CCDC183: variants seen among roughly 807,000 people sequenced by gnomAD.
CCDC183 encodes the protein coiled-coil domain-containing protein 183.
CCDC183 carries 63 observed loss-of-function variants against 65.2 expected under a neutral mutation model. The observed-to-expected ratio is 0.97, with a 90% CI of 0.79 to 1.19. The LOEUF (loss-of-function observed/expected upper bound fraction) is 1.19. CCDC183 is among the 50% of genes most tolerant of loss of function. The probability of loss-of-function intolerance (pLI) is 0.00; values close to 1 mark genes in which losing one functional copy is unlikely to be tolerated. For synonymous variants in CCDC183, 323 were observed against 276.5 expected (o/e 1.17, Z -1.67); for missense variants, 769 against 689.3 (o/e 1.12, Z -1.30).
chr9:136,804,734 T>G lies in CCDC183; in HGVS notation c.793-28T>G. 1 of 1,613,394 alleles carries G rather than the reference T, an allele frequency of 6.2e-7. No individual in the cohort carries two copies. Among genetic ancestry groups the G allele is most frequent in the Non-Finnish European group, 8.5e-7 (1 of 1,179,668 alleles). ...CCCACTCCCTGCCAAGGATGTCTCA[T>G]CCCTTCCCCGCCCCCACCTCCCATC... is the stretch of plus-strand genomic sequence containing the variant. On this transcript the variant is annotated intron_variant, in intron 7 of 13. Transcript: ENST00000338005. This position sits in a 1 kb window ranked among gnomAD's most constrained non-coding sequence, Gnocchi z 4.1.
intron 2 of CCDC183, 45 bp from the exon 3 acceptor site, chr9:136,799,668 G>T (rs1279481013): frequency 5.8e-6 from 9 of 1,558,860 alleles, no homozygotes; most frequent in Non-Finnish European, 7.9e-6. Flanking sequence ...AGCGGCTGCG[G>T]GTGCGCAAAG....
chr9:136,799,600 C>G (rs1847704393), intron 2 of CCDC183, 113 bp from the exon 3 acceptor site: 16 of 916,362 alleles, frequency 1.7e-5, no homozygotes, highest in South Asian at 7.7e-5. Flanking sequence ...AAGCAGGGAT[C>G]TCGCTACTGG....
At chr9:136,796,821 CA>C (rs1214921667) in intron 1 of CCDC183, among the ~76,000 whole-genome samples, 1 of 152,224 alleles carries the variant, frequency 6.6e-6, no homozygotes, top group African/African-American at 2.4e-5. Flanking sequence ...CAGTGCACTG[CA>C]GAAAGCCGCA....
At position 136,806,214 on chromosome 9, in the gene CCDC183, TCCG is replaced by T; in HGVS notation, c.1088_1090del (p.Arg363del). On this transcript the variant is annotated inframe_deletion, in exon 10 of 14. Coordinates refer to ENST00000338005, the MANE Select transcript of CCDC183 (RefSeq NM_001039374.5). Reference sequence around the variant, plus strand: ...GAGCTGGAGGAGGCCGTGCTCAAGTTCCGCCAGAAGCCTAGCTCCATCAGGTGC... The same window carrying T: ...GAGCTGGAGGAGGCCGTGCTCAAGTTCCAGAAGCCTAGCTCCATCAGGTGC... 1 of 1,588,146 alleles carries T rather than the reference TCCG, an allele frequency of 6.3e-7. No homozygotes were observed. The highest frequency in any genetic ancestry group is 8.6e-7 in the Non-Finnish European group (1 of 1,167,354).
At chr9:136,799,870 C>T (rs1847709093) in intron 3 of CCDC183, 80 bp downstream of exon 3, 3 of 1,508,370 alleles carry the variant, frequency 2.0e-6, no homozygotes, top group South Asian at 2.4e-5. Context: ...GCGGAGCCGA[C>T]GAGGGACGGA....
rs780569595 is a variant in CCDC183 at position 136,804,654 on chromosome 9, G to T, written c.792+27G>T. 1 of 1,613,084 alleles carries T rather than the reference G, an allele frequency of 6.2e-7. No homozygotes were observed. The highest frequency in any genetic ancestry group is 2.2e-5 in the East Asian group (1 of 44,872). On this transcript the variant is annotated intron_variant, in intron 7 of 13. Transcript: ENST00000338005. This position sits in a 1 kb window ranked among gnomAD's most constrained non-coding sequence, Gnocchi z 4.1. ...TAAGCCCCAGGCCAGGGCCTGGCTG[G>T]CTGCCCATCCCCATGACAGCTGGGT...
Position 136,806,863 on chromosome 9 carries a change from A to G in CCDC183, c.1385A>G (p.Glu462Gly). The change falls in exon 12 of 14, where the codon GAG becomes GGG. Residue 462 changes from glutamate to glycine, a missense_variant. Glu to Gly is a moderately conservative substitution (Grantham distance 98). Coordinates refer to ENST00000338005, the MANE Select transcript of CCDC183 (RefSeq NM_001039374.5). ...ADRVQMVSRTEEGDTKVRDTL... is the reference protein window; with the variant it reads ...ADRVQMVSRTGEGDTKVRDTL... ...AGAGTGCAGATGGTGTCCAGGACCG[A>G]GGAGGTAGCCCCGGGCTGGGAGGAA... The G allele has an allele frequency of 1.2e-6, 2 of 1,613,344 alleles. No individual in the cohort carries two copies. The highest frequency in any genetic ancestry group is 1.7e-6 in the Non-Finnish European group (2 of 1,179,972).
chr9:136,800,246 G>C, intron 4 of CCDC183, 77 bp downstream of exon 4: 1 of 1,373,460 alleles, frequency 7.3e-7, no homozygotes, highest in East Asian at 2.5e-5. Context: ...CCACCGGGGG[G>C]CGGGACTTGC....
intron 6 of CCDC183, among the ~76,000 whole-genome samples, 166 bp downstream of exon 6, chr9:136,802,952 C>T (rs36148455): frequency 2.2e-3 from 8 of 3,594 alleles, no homozygotes; most frequent in Admixed American, 5.7e-3. Flanking sequence ...CCGGGGGCCC[C>T]CCAGGGCCAG....
At chr9:136,807,404 A>C in intron 13 of CCDC183, 168 bp from the exon 14 acceptor site, 4 of 878,312 alleles carry the variant, frequency 4.6e-6, no homozygotes, top group Non-Finnish European at 6.7e-6. Flanking sequence ...TAGGCAGGGC[A>C]GCGTGAGCCG....
rs571676494 is a variant in CCDC183, at chr9:136,802,066, G to A, written c.544-598G>A. Among the ~76,000 whole-genome samples the A allele has an allele frequency of 5.3e-5, 8 of 152,272 alleles. No individual in the cohort carries two copies. In the South Asian group the frequency reaches 1.2e-3, roughly 24 times the overall value. ...CGGCCTCCCAGTGTTGGGATTACAG[G>A]CGTGAGCCACCGCACCTGGCCTATA... On this transcript the variant is annotated intron_variant, in intron 5 of 13. Coordinates refer to ENST00000338005, the MANE Select transcript of CCDC183 (RefSeq NM_001039374.5).
At chr9:136,806,381 A>G in intron 10 of CCDC183, 123 bp from the exon 11 acceptor site, 1 of 1,421,520 alleles carries the variant, frequency 7.0e-7, no homozygotes, top group Non-Finnish European at 9.7e-7. Context: ...CCACTTGCAC[A>G]CACCTGAGCT....
chr9:136,804,519 G>C lies in CCDC183; in HGVS notation c.684G>C (p.Arg228Ser), dbSNP rs776874222. Residue 228 changes from arginine to serine, a missense_variant, in exon 7 of 14, where the codon AGG becomes AGC. Arg to Ser is a moderately radical substitution (Grantham distance 110, BLOSUM62 -1). Transcript: ENST00000338005. This position sits in a 1 kb window ranked among gnomAD's most constrained non-coding sequence, Gnocchi z 4.1. ...TDEVKRNMRQREASFIEERRA... is the reference protein window; with the variant it reads ...TDEVKRNMRQSEASFIEERRA... ...GTCCCCAGAGGAACATGAGGCAAAG[G>C]GAGGCGTCCTTCATCGAGGAGCGCC... is the stretch of plus-strand genomic sequence containing the variant. 6.2e-7 allele frequency: 1 copy of C among 1,613,102 alleles called. No homozygotes were observed. The highest frequency in any genetic ancestry group is 8.5e-7 in the Non-Finnish European group (1 of 1,179,876).
At chr9:136,799,409 G>C in intron 2 of CCDC183, 186 bp downstream of exon 2, 1 of 1,020,694 alleles carries the variant, frequency 9.8e-7, no homozygotes, top group Non-Finnish European at 1.4e-6. Context: ...CCGGTGGGCA[G>C]GTTTCCCACC....
intron 5 of CCDC183, 121 bp from the exon 6 acceptor site, chr9:136,802,543 G>A: frequency 1.0e-5 from 14 of 1,369,708 alleles, no homozygotes; most frequent in South Asian, 1.0e-4. Context: ...GAGTGGGGGA[G>A]GTGGCTGGGG....
chr9:136,806,220 A>T lies in CCDC183; in HGVS notation c.1091A>T (p.Gln364Leu), dbSNP rs1380366268. Residue 364 changes from glutamine (Q) to leucine (L), a missense_variant, in exon 10 of 14, where the codon CAG (glutamine) becomes CTG (leucine). Coordinates refer to ENST00000338005, the MANE Select transcript of CCDC183 (RefSeq NM_001039374.5). ...ELEEAVLKFR[Q>L]KPSSISFKSV... ...GAGGAGGCCGTGCTCAAGTTCCGCC[A>T]GAAGCCTAGCTCCATCAGGTGCCCC... 6.3e-7 allele frequency: 1 copy of T among 1,591,824 alleles called. No individual in the cohort carries two copies. The highest frequency in any genetic ancestry group is 8.6e-7 in the Non-Finnish European group (1 of 1,169,230).
At position 136,799,743 on chromosome 9, in the gene CCDC183, G is replaced by A. The variant is rs771245508; in HGVS notation, c.223G>A (p.Gly75Arg). Residue 75 changes from glycine (G) to arginine (R), a missense_variant, in exon 3 of 14, where the codon GGG (glycine) becomes AGG (arginine). Transcript: ENST00000338005. ...YDQWTISKAC[G>R]KNLPLRLAHC... Reference sequence around the variant, plus strand: ...CCAGTGGACCATCTCCAAGGCCTGCGGGAAAAACTTGCCTTTGCGACTGGC... The same window carrying A: ...CCAGTGGACCATCTCCAAGGCCTGCAGGAAAAACTTGCCTTTGCGACTGGC... 7.4e-6 allele frequency: 12 copies of A among 1,613,242 alleles called. No homozygotes were observed. The East Asian group carries it at 2.0e-4, about 27-fold the overall frequency.
chr9:136,806,769 C>A lies in CCDC183; in HGVS notation c.1291C>A (p.Leu431Ile), dbSNP rs778498334. 6.2e-7 allele frequency: 1 copy of A among 1,613,564 alleles called. No individual in the cohort carries two copies. Among genetic ancestry groups the A allele is most frequent in the Admixed American group, 1.7e-5 (1 of 60,032 alleles). ...TCCCGGCCTACAGAGAGAAGTGGTG[C>A]TCTCCAACACCCTCGATTTGAACAG... ...NLPATQREVV[L>I]SNTLDLNSKL... The change falls in exon 12 of 14, where the codon CTC becomes ATC. Residue 431 changes from leucine to isoleucine, a missense_variant. By Grantham distance (5) the Leu-to-Ile change is conservative (BLOSUM62 2). Transcript: ENST00000338005.
chr9:136,805,514 T>G, intron 9 of CCDC183, 57 bp downstream of exon 9: 7 of 1,446,534 alleles, frequency 4.8e-6, no homozygotes, highest in Non-Finnish European at 6.7e-6. Context: ...CTCTCACGTC[T>G]GGGTAATGCT....
Sources: allele counts gnomAD v4.1 joint callset (sites outside exome capture counted in the v4.1 genomes callset), GRCh38; gene constraint gnomAD v4.1.1; non-coding constraint Gnocchi (gnomAD v3.1); transcripts MANE v1.5; gene names NCBI Gene and HGNC (gene_info 2026-07-23, HGNC 2026-07-21).